Variants in PEBP4 observed in about 807,000 individuals in gnomAD.
PEBP4 encodes the protein phosphatidylethanolamine binding protein 4.
A neutral mutation model predicts 23.9 loss-of-function variants in PEBP4; 22 were observed. That is an observed-to-expected ratio of 0.92 (90% CI 0.66 to 1.31). The LOEUF is 1.31. Ranked by LOEUF, PEBP4 falls within the 40% of genes most tolerant of loss-of-function variation. PEBP4 has a pLI of 0.00. For missense variants in PEBP4, 324 were observed against 281.7 expected, an observed-to-expected ratio of 1.15 and a Z score of -1.07; for synonymous variants, 112 against 99.3, an observed-to-expected ratio of 1.13 and a Z score of -0.76.
At chr8:22,782,927 A>C (rs1237819120) in intron 4 of PEBP4, among the ~76,000 whole-genome samples, 1 of 152,218 alleles carries the variant, frequency 6.6e-6, no homozygotes, top group African/African-American at 2.4e-5. Context: ...GTCACAGGGA[A>C]GACGACTAGC....
chr8:22,886,338 T>C (rs994079246), intron 3 of PEBP4: 1 of 152,176 alleles, frequency 6.6e-6, no homozygotes, highest in Non-Finnish European at 1.5e-5. Flanking sequence ...CTCACAGCCA[T>C]TGAATCTGAC....
At chr8:22,800,728 T>C (rs1357182741) in intron 4 of PEBP4, among the ~76,000 whole-genome samples, 2 of 152,172 alleles carry the variant, frequency 1.3e-5, no homozygotes, top group South Asian at 4.2e-4. Flanking sequence ...CTGGGGCAGG[T>C]GGCATGATAC....
chr8:22,816,807 A>G (rs965710533), intron 4 of PEBP4, among the ~76,000 whole-genome samples: 3 of 152,186 alleles, frequency 2.0e-5, no homozygotes, highest in Admixed American at 2.0e-4. Flanking sequence ...TGACTGTTTG[A>G]GGCTAGTGTG....
chr8:22,890,057 G>A (rs1163009889), intron 3 of PEBP4, among the ~76,000 whole-genome samples: 5 of 152,200 alleles, frequency 3.3e-5, no homozygotes, highest in Non-Finnish European at 7.3e-5. Context: ...GGAGTGAGGA[G>A]AACATGAGCC....
chr8:22,845,178 C>T (rs111305897), intron 3 of PEBP4, among the ~76,000 whole-genome samples: 4,576 of 152,192 alleles, frequency 0.03, 242 homozygotes, highest in African/African-American at 0.1. Context: ...TTCCAACAGT[C>T]AGCGCTGAGC....
At chr8:22,864,186 T>C (rs1807836148) in intron 3 of PEBP4, among the ~76,000 whole-genome samples, 1 of 152,214 alleles carries the variant, frequency 6.6e-6, no homozygotes. Flanking sequence ...AATTCCAATC[T>C]CAATTATAGT....
chr8:22,720,367 A>G (rs1002232894), intron 6 of PEBP4, among the ~76,000 whole-genome samples: 4 of 152,154 alleles, frequency 2.6e-5, no homozygotes, highest in African/African-American at 9.7e-5. Context: ...GGTGCTTGGA[A>G]AGTGGGCAAG....
intron 3 of PEBP4, among the ~76,000 whole-genome samples, chr8:22,856,736 A>T (rs58099257): frequency 0.028 from 4,242 of 151,712 alleles, 221 homozygotes; most frequent in African/African-American, 0.097. Context: ...TAAATAAATA[A>T]ATATATAGAA....
intron 4 of PEBP4, among the ~76,000 whole-genome samples, chr8:22,728,417 GGA>G (rs1008500612): frequency 6.6e-6 from 1 of 152,172 alleles, no homozygotes; most frequent in African/African-American, 2.4e-5. Flanking sequence ...AGAAGGAGCA[GGA>G]GACTGTGGAA....
At chr8:22,829,312 C>G (rs991359444) in intron 3 of PEBP4, among the ~76,000 whole-genome samples, 20 of 152,140 alleles carry the variant, frequency 1.3e-4, no homozygotes, top group Non-Finnish European at 2.1e-4. Flanking sequence ...CATTACAGGC[C>G]CTGAGTGCCA....
chr8:22,883,383 G>C (rs17088697), intron 3 of PEBP4, among the ~76,000 whole-genome samples: 6,794 of 151,974 alleles, frequency 0.045, 300 homozygotes, highest in African/African-American at 0.11. Flanking sequence ...CCAGATCACT[G>C]TCCCAATACT....
chr8:22,787,226 G>T (rs1198379301), intron 4 of PEBP4, among the ~76,000 whole-genome samples: 1 of 152,214 alleles, frequency 6.6e-6, no homozygotes, highest in African/African-American at 2.4e-5. Flanking sequence ...GGTAGGATTT[G>T]CACAGGTGAG....
chr8:22,941,011 T>C (rs550726325), intron 1 of PEBP4, among the ~76,000 whole-genome samples: 2 of 152,072 alleles, frequency 1.3e-5, no homozygotes, highest in South Asian at 4.2e-4. Context: ...AGGGTGCCCC[T>C]CAGTTTGGGC....
At chr8:22,909,959 G>A (rs967509151) in intron 3 of PEBP4, among the ~76,000 whole-genome samples, 1 of 152,186 alleles carries the variant, frequency 6.6e-6, no homozygotes, top group Non-Finnish European at 1.5e-5. Context: ...TACAGCCAGG[G>A]GATCCAGGCT....
At chr8:22,726,333 G>A (rs1444659008) in intron 5 of PEBP4, among the ~76,000 whole-genome samples, 1 of 152,216 alleles carries the variant, frequency 6.6e-6, no homozygotes, top group African/African-American at 2.4e-5. Flanking sequence ...CATGTGGGCT[G>A]TGGAGTACAC....
chr8:22,923,606 A>T (rs1003381251), intron 2 of PEBP4, among the ~76,000 whole-genome samples: 1 of 152,086 alleles, frequency 6.6e-6, no homozygotes, highest in Admixed American at 6.6e-5. Flanking sequence ...CTGTGCCTGT[A>T]TGAAGGGCTT....
intron 3 of PEBP4, among the ~76,000 whole-genome samples, chr8:22,861,307 G>A (rs1482082032): frequency 1.3e-5 from 2 of 152,186 alleles, no homozygotes; most frequent in African/African-American, 4.8e-5. Context: ...CAGACGTTTT[G>A]TGCTCTTTCC....
chr8:22,844,821 G>A (rs532953107), intron 3 of PEBP4, among the ~76,000 whole-genome samples: 1 of 152,304 alleles, frequency 6.6e-6, no homozygotes, highest in African/African-American at 2.4e-5. Context: ...CCTGCTCAAA[G>A]CCATTGGTCC....
intron 3 of PEBP4, among the ~76,000 whole-genome samples, chr8:22,877,620 G>T (rs1808149988): frequency 6.8e-6 from 1 of 147,924 alleles, no homozygotes; most frequent in Non-Finnish European, 1.5e-5. Flanking sequence ...TCCTGGGCTG[G>T]GCTGAGCCCA....
Sources: gnomAD v4.1 joint callset for allele counts (sites outside exome capture counted in the v4.1 genomes callset) on GRCh38, gnomAD v4.1.1 for gene constraint, MANE v1.5 for transcripts, NCBI Gene and HGNC (gene_info 2026-07-23, HGNC 2026-07-21) for gene names.